Variants in MFN2 observed in about 807,000 individuals in gnomAD.
MFN2 encodes mitofusin 2.
In MFN2, 43 loss-of-function variants were observed where a neutral mutation model predicts 87.5. The ratio of observed to expected loss-of-function variants is 0.49; its 90% CI spans 0.38 to 0.63. The LOEUF (loss-of-function observed/expected upper bound fraction) is 0.63, where lower values mean the gene tolerates loss of function less well. Among genes scored for constraint, MFN2 ranks in the 30% least tolerant of loss-of-function variants. MFN2 has a pLI of 0.00. For missense variants in MFN2, 743 were observed against 972.8 expected, an observed-to-expected ratio of 0.76 and a Z score of 3.14; for synonymous variants, 337 against 359.9, an observed-to-expected ratio of 0.94 and a Z score of 0.72.
At chr1:11,992,274 T>C in intron 3 of MFN2, 1 of 487,550 alleles carries the variant, frequency 2.1e-6, no homozygotes. Flanking sequence ...CGTTTTGTGC[T>C]TAAGGAAACT....
chr1:11,998,096 C>G (rs564610830), intron 6 of MFN2, among the ~76,000 whole-genome samples: 3 of 150,718 alleles, frequency 2.0e-5, no homozygotes, highest in South Asian at 2.1e-4. Flanking sequence ...GTTGGCCAGG[C>G]TGGTCTTGAA....
chr1:11,996,374 G>T, intron 5 of MFN2, 56 bp downstream of exon 5: 14 of 1,607,004 alleles, frequency 8.7e-6, no homozygotes, highest in African/African-American at 1.3e-5. Flanking sequence ...CAAGTCCTCC[G>T]TTGTGACACG....
In MFN2 at chr1:12,009,530, T is replaced by C. The variant is rs565971729; in HGVS notation, c.2070-62T>C. On this transcript the variant is annotated intron_variant, in intron 17 of 18. Coordinates refer to ENST00000235329, the MANE Select transcript of MFN2 (RefSeq NM_014874.4). ...CAGCTGCTCCCTACTGTGGGTGGGC[T>C]AAGCCACCAGTGGCATCTTGCTCCA... The C allele has an allele frequency of 2.5e-6, 4 of 1,611,944 alleles. No homozygotes were observed. In the South Asian group the frequency reaches 3.3e-5, roughly 13 times the overall value.
intron 11 of MFN2, among the ~76,000 whole-genome samples, chr1:12,002,437 T>G (rs1639219446): frequency 6.6e-6 from 1 of 152,230 alleles, no homozygotes; most frequent in African/African-American, 2.4e-5. Flanking sequence ...CTCACACCTG[T>G]GATCTCAACA....
At chr1:11,990,742 C>T (rs1171507664) in intron 3 of MFN2, among the ~76,000 whole-genome samples, 2 of 152,214 alleles carry the variant, frequency 1.3e-5, no homozygotes, top group Admixed American at 6.5e-5. Flanking sequence ...CCTGCTGGCT[C>T]TCGCTTTTAA....
Position 11,996,153 on chromosome 1 carries a change from T to A in MFN2, c.312-3T>A. 1 of 1,614,182 alleles carries A rather than the reference T, an allele frequency of 6.2e-7. No individual in the cohort carries two copies. Among genetic ancestry groups the A allele is most frequent in the Non-Finnish European group, 8.5e-7 (1 of 1,180,034 alleles). ...TTTGCTGACAGCTGTTACTTCCTTC[T>A]AGGACGAGCAATGGGAAGAGCACCG... is the stretch of plus-strand genomic sequence containing the variant. On this transcript the variant is annotated splice_region_variant and splice_polypyrimidine_tract_variant and intron_variant, in intron 4 of 18. Transcript: ENST00000235329.
chr1:11,997,390 C>A lies in MFN2; in HGVS notation c.568C>A (p.Leu190Ile). Residue 190 changes from leucine (L) to isoleucine (I), a missense_variant, in exon 6 of 19, where the codon CTT (leucine) becomes ATT (isoleucine). Leu to Ile is a conservative substitution (Grantham distance 5). Around this residue, in one of 3 missense-constraint regions of MFN2, gnomAD observed 141 missense variants for 278.9 expected, o/e 0.51. Coordinates refer to ENST00000235329, the MANE Select transcript of MFN2 (RefSeq NM_014874.4). ...SVMWPNSKCPLLKDDLVLMDS... is the reference protein window; with the variant it reads ...SVMWPNSKCPILKDDLVLMDS... ...GATGTGGCCCAACTCTAAGTGCCCA[C>A]TTCTGAAGGATGACCTCGTTTTGAT... The A allele has an allele frequency of 6.2e-7, 1 of 1,614,216 alleles. No individual in the cohort carries two copies. The highest frequency in any genetic ancestry group is 8.5e-7 in the Non-Finnish European group (1 of 1,180,020).
At chr1:11,984,877 T>C (rs1420573199) in intron 2 of MFN2, among the ~76,000 whole-genome samples, 1 of 152,256 alleles carries the variant, frequency 6.6e-6, no homozygotes, top group Non-Finnish European at 1.5e-5. Context: ...CGTCTCCTTA[T>C]CTGTATCCTT....
At chr1:11,996,407 G>A (rs1638910060) in intron 5 of MFN2, 89 bp downstream of exon 5, 1 of 1,479,846 alleles carries the variant, frequency 6.8e-7, no homozygotes, top group Admixed American at 1.7e-5. Flanking sequence ...TCTAGGGAGG[G>A]GGCAGCACCA....
intron 3 of MFN2, among the ~76,000 whole-genome samples, chr1:11,991,896 C>T (rs1223257563): frequency 8.9e-6 from 1 of 111,932 alleles, no homozygotes; most frequent in Admixed American, 1.1e-4. Flanking sequence ...TGCACTCCAG[C>T]CTGGGCGACA....
At chr1:11,999,788 G>A (rs530617677) in intron 8 of MFN2, among the ~76,000 whole-genome samples, 2 of 151,212 alleles carry the variant, frequency 1.3e-5, no homozygotes, top group African/African-American at 2.4e-5. Flanking sequence ...GTAGCAAAAC[G>A]CCATCTCCAA....
chr1:12,009,984 T>G (rs1371184128), intron 18 of MFN2, among the ~76,000 whole-genome samples: 1 of 152,108 alleles, frequency 6.6e-6, no homozygotes, highest in African/African-American at 2.4e-5. Context: ...TGAAACCCCG[T>G]CTCTACTAAA....
chr1:11,981,289 G>A (rs1645979644), intron 1 of MFN2, among the ~76,000 whole-genome samples: 1 of 152,194 alleles, frequency 6.6e-6, no homozygotes, highest in South Asian at 2.1e-4. Flanking sequence ...CGGATCACCT[G>A]AGGTCAGGAG....
In MFN2 at chr1:12,009,682, A is replaced by G. The variant is rs769855660; in HGVS notation, c.2160A>G (p.Lys720=). 3.7e-6 allele frequency: 6 copies of G among 1,614,190 alleles called. No individual in the cohort carries two copies. The highest frequency in any genetic ancestry group is 1.6e-4 in the Middle Eastern group (1 of 6,062). The part of the protein sequence containing the change: ...LEQEIAAMNK[K]IEVLDSLQSK... Reference sequence around the variant, plus strand: ...AGGAAATTGCCGCCATGAACAAGAAAATTGAGGTTCTTGACTCACTTCAGA... The same window carrying G: ...AGGAAATTGCCGCCATGAACAAGAAGATTGAGGTTCTTGACTCACTTCAGA... The change falls in exon 18 of 19, where the codon AAA becomes AAG. Residue 720 remains lysine (K), a synonymous_variant. Coordinates refer to ENST00000235329, the MANE Select transcript of MFN2 (RefSeq NM_014874.4).
At chr1:12,006,774 C>CAATGCAGGGGCCA in intron 16 of MFN2, 81 bp downstream of exon 16, 2 of 1,587,544 alleles carry the variant, frequency 1.3e-6, no homozygotes, top group Non-Finnish European at 1.7e-6. Flanking sequence ...TGCTGTGGCC[C>CAATGCAGGGGCCA]CTGCATTGGG....
chr1:11,999,448 A>G (rs998502530), intron 8 of MFN2, among the ~76,000 whole-genome samples: 2 of 152,140 alleles, frequency 1.3e-5, no homozygotes, highest in Middle Eastern at 3.2e-3. Context: ...AATGGAGAAT[A>G]ACTGGTTCTT....
At chr1:12,009,753 T>A (rs1434128152) in intron 18 of MFN2, 27 bp downstream of exon 18, 1 of 1,613,914 alleles carries the variant, frequency 6.2e-7, no homozygotes, top group Admixed American at 1.7e-5. Context: ...TGGCCAAAGG[T>A]TAGGGCTCCA....
In MFN2 at chr1:12,005,949, C is replaced by T. The variant is rs1639390611; in HGVS notation, c.1716+18C>T. The stretch of plus-strand genomic sequence containing the variant: ...ATGACCAGGCAAGCAAAGTTCCTCA[C>T]CTCAAGGGCATTGTGGGGGGTCAGT... On this transcript the variant is annotated intron_variant, in intron 15 of 18. Coordinates refer to ENST00000235329, the MANE Select transcript of MFN2 (RefSeq NM_014874.4). 1.2e-6 allele frequency: 2 copies of T among 1,610,286 alleles called. No homozygotes were observed. The highest frequency in any genetic ancestry group is 8.5e-7 in the Non-Finnish European group (1 of 1,177,784).
intron 4 of MFN2, among the ~76,000 whole-genome samples, chr1:11,993,773 G>T (rs1023427526): frequency 6.6e-6 from 1 of 151,248 alleles, no homozygotes. Context: ...TTAAATACGT[G>T]TTTTTTTTGT....
Sources: allele counts gnomAD v4.1 joint callset (sites outside exome capture counted in the v4.1 genomes callset), GRCh38; gene constraint gnomAD v4.1.1; regional missense constraint gnomAD v4.1.1; transcripts MANE v1.5; gene names NCBI Gene and HGNC (gene_info 2026-07-23, HGNC 2026-07-21).